The following SOX6 variants were observed in gnomAD, a reference collection of about 807,000 sequenced individuals.
SOX6 encodes the protein SRY-box transcription factor 6, also known as transcription factor SOX-6.
A neutral mutation model predicts 97.8 loss-of-function variants in SOX6; 11 were observed. That is an observed-to-expected ratio of 0.11 (90% CI 0.07 to 0.19). SOX6 has a LOEUF of 0.19. Among genes scored for constraint, SOX6 ranks in the 10% least tolerant of loss-of-function variants. SOX6 has a pLI of 1.00. For synonymous variants in SOX6, 360 were observed against 371.4 expected (o/e 0.97, Z 0.35); for missense variants, 810 against 1,039.5 (o/e 0.78, Z 3.04).
chr11:16,349,047 A>T (rs1276646265), intron 1 of SOX6, among the ~76,000 whole-genome samples: 1 of 152,146 alleles, frequency 6.6e-6, no homozygotes, highest in Non-Finnish European at 1.5e-5. Flanking sequence ...AGCTAAATTA[A>T]TATTAAAGGA....
At chr11:16,609,020 T>C (rs1224291520) in intron 4 of SOX6, among the ~76,000 whole-genome samples, 3 of 152,154 alleles carry the variant, frequency 2.0e-5, no homozygotes, top group Admixed American at 2.0e-4. Context: ...AAGATTCCCT[T>C]TGAGTCATGT....
At chr11:16,198,815 C>G (rs1256058396) in intron 4 of SOX6, among the ~76,000 whole-genome samples, 1 of 152,198 alleles carries the variant, frequency 6.6e-6, no homozygotes, top group Non-Finnish European at 1.5e-5. Flanking sequence ...CTACTACACT[C>G]TCTTTGCTCC....
intron 1 of SOX6, among the ~76,000 whole-genome samples, chr11:16,393,792 T>TAA (rs1302746214): frequency 6.6e-6 from 1 of 152,080 alleles, no homozygotes; most frequent in Non-Finnish European, 1.5e-5. Flanking sequence ...AATTGTTAAC[T>TAA]ACTTTGCATC....
intron 4 of SOX6, among the ~76,000 whole-genome samples, chr11:16,198,783 A>G (rs1851857835): frequency 6.6e-6 from 1 of 152,242 alleles, no homozygotes; most frequent in Non-Finnish European, 1.5e-5. Context: ...GGGAGCAAAT[A>G]CAGATCTCAA....
intron 9 of SOX6, among the ~76,000 whole-genome samples, chr11:16,081,051 G>A (rs1298666729): frequency 6.6e-6 from 1 of 151,734 alleles, no homozygotes; most frequent in Non-Finnish European, 1.5e-5. Flanking sequence ...ATTGTACCAC[G>A]GCACTCCAGC....
At chr11:16,337,470 C>T (rs1252281198) in intron 2 of SOX6, among the ~76,000 whole-genome samples, 1 of 152,012 alleles carries the variant, frequency 6.6e-6, no homozygotes. Context: ...ATATCCTGTA[C>T]ATTTTTCCAT....
At chr11:16,230,868 C>T (rs1157234753) in intron 4 of SOX6, among the ~76,000 whole-genome samples, 6 of 151,346 alleles carry the variant, frequency 4.0e-5, no homozygotes, top group East Asian at 1.9e-4. Context: ...TGGAATAGAA[C>T]CAAAATCTGA....
chr11:16,250,148 CA>C (rs1488345379), intron 3 of SOX6, among the ~76,000 whole-genome samples: 1 of 152,154 alleles, frequency 6.6e-6, no homozygotes, highest in Admixed American at 6.6e-5. Context: ...GTGAGATCAG[CA>C]GTGGCGTTTG....
intron 6 of SOX6, among the ~76,000 whole-genome samples, chr11:16,114,894 T>C (rs892699630): frequency 9.9e-5 from 15 of 152,166 alleles, no homozygotes; most frequent in African/African-American, 3.6e-4. Context: ...CCAGAATTAA[T>C]TCTTGAATCT....
intron 15 of SOX6, among the ~76,000 whole-genome samples, chr11:15,982,800 T>C (rs1853705716): frequency 6.6e-6 from 1 of 152,062 alleles, no homozygotes; most frequent in Admixed American, 6.6e-5. Flanking sequence ...CACAATTGGT[T>C]GAATCCACAC....
intron 3 of SOX6, among the ~76,000 whole-genome samples, chr11:16,674,773 A>G (rs1847873007): frequency 6.6e-6 from 1 of 152,210 alleles, no homozygotes. Flanking sequence ...CAACAAAGCG[A>G]AACCCTATGT....
intron 13 of SOX6, among the ~76,000 whole-genome samples, chr11:15,999,649 T>C (rs976772929): frequency 2.6e-5 from 4 of 152,150 alleles, no homozygotes; most frequent in African/African-American, 9.6e-5. Flanking sequence ...AGGTGACATA[T>C]TCAGGCCATT....
chr11:16,462,649 A>C (rs1234213052), intron 1 of SOX6, among the ~76,000 whole-genome samples: 1 of 152,248 alleles, frequency 6.6e-6, no homozygotes, highest in Admixed American at 6.5e-5. Context: ...ATTAATCAGC[A>C]CAACTGGGGT....
At position 16,055,898 on chromosome 11, in the gene SOX6, G is replaced by A. The variant is rs756350296; in HGVS notation, c.1105C>T (p.Leu369Phe). Residue 369 changes from leucine to phenylalanine, a missense_variant, in exon 10 of 16, where the codon CTC becomes TTC. By Grantham distance (22) the Leu-to-Phe change is conservative. Coordinates refer to ENST00000683767, the MANE Select transcript of SOX6 (RefSeq NM_001367873.1). ...ATGCTGGCCAGCTGAGCGGCATAGA[G>A]CTGCTGCAAAACAGGGAAGACAAAC... Reference protein sequence around the residue: ...HSYNHKQIEQLYAAQLASMQV... With the variant: ...HSYNHKQIEQFYAAQLASMQV... 2 of 1,613,530 alleles carry A rather than the reference G, an allele frequency of 1.2e-6. No homozygotes were observed. The highest frequency in any genetic ancestry group is 1.7e-6 in the Non-Finnish European group (2 of 1,179,738).
At chr11:16,239,428 G>A (rs1026495369) in intron 3 of SOX6, among the ~76,000 whole-genome samples, 12 of 151,934 alleles carry the variant, frequency 7.9e-5, no homozygotes, top group Non-Finnish European at 1.3e-4. Context: ...GAAAGACAGC[G>A]GAGTGGGTTT....
intron 1 of SOX6, among the ~76,000 whole-genome samples, chr11:16,345,842 A>AT (rs944124645): frequency 1.3e-5 from 2 of 152,006 alleles, no homozygotes; most frequent in African/African-American, 4.8e-5. Context: ...TCAAAATTAC[A>AT]TTTTTTTATT....
intron 4 of SOX6, among the ~76,000 whole-genome samples, chr11:16,584,818 A>G (rs1387500130): frequency 6.6e-6 from 1 of 152,156 alleles, no homozygotes; most frequent in African/African-American, 2.4e-5. Context: ...TGGCCTAGAA[A>G]TCTAGTCTGC....
rs76815469 is a variant in SOX6, at chr11:16,407,992, G to A, written c.-4-66740C>T. Among the ~76,000 whole-genome samples the A allele has an allele frequency of 7.3e-3, 1,105 of 152,160 alleles. 16 individuals are homozygous for A. The highest frequency in any genetic ancestry group is 0.024 in the African/African-American group (988 of 41,528). On this transcript the variant is annotated intron_variant, in intron 1 of 15. Coordinates refer to the SOX6 transcript ENST00000396356. ...ATTTTGTTTTAAAGTAAAGCCCTGA[G>A]TGATGGTTTGCCTTTTATAAATAAG...
intron 1 of SOX6, among the ~76,000 whole-genome samples, chr11:16,351,183 C>T (rs186925418): frequency 6.6e-6 from 1 of 152,176 alleles, no homozygotes; most frequent in Admixed American, 6.5e-5. Context: ...AGATTCATCA[C>T]TATTTTCCTC....
Sources: gnomAD v4.1 joint callset for allele counts (sites outside exome capture counted in the v4.1 genomes callset) on GRCh38, gnomAD v4.1.1 for gene constraint, MANE v1.5 for transcripts, NCBI Gene and HGNC (gene_info 2026-07-23, HGNC 2026-07-21) for gene names.